The following LHX6 variants were observed in gnomAD, a reference collection of about 807,000 sequenced individuals.
LHX6 encodes the protein LIM/homeobox protein Lhx6.
Under a neutral mutation model 47.1 loss-of-function variants are expected in LHX6, and 15 were observed. That is an observed-to-expected ratio of 0.32 (90% CI 0.21 to 0.49). The LOEUF (loss-of-function observed/expected upper bound fraction) is 0.49. LHX6 is among the 20% of genes least tolerant of loss of function. The probability of loss-of-function intolerance (pLI) is 0.99; values close to 1 mark genes in which losing one functional copy is unlikely to be tolerated. For synonymous variants in LHX6, 242 were observed against 233.5 expected (o/e 1.04, Z -0.33); for missense variants, 404 against 539.6 (o/e 0.75, Z 2.49).
rs758628340 is a variant in LHX6, at chr9:122,214,248, C to T, written c.783+35G>A. 9.8e-6 allele frequency: 15 copies of T among 1,528,966 alleles called. No individual in the cohort carries two copies. The highest frequency in any genetic ancestry group is 1.2e-5 in the Non-Finnish European group (14 of 1,142,008). 94.7% of individuals were successfully genotyped at this position (1,528,966 alleles called of 1,614,324 possible). ...TCGGCCCCGCCCACTTTCGGCCCGG[C>T]CCCCGCCCCCGCCGCCCACTGCTTG... On this transcript the variant is annotated intron_variant, in intron 6 of 9. Coordinates refer to ENST00000394319, the MANE Select transcript of LHX6 (RefSeq NM_014368.5). This position sits in a 1 kb window ranked among gnomAD's most constrained non-coding sequence, Gnocchi z 4.6.
At position 122,209,638 on chromosome 9, in the gene LHX6, C is replaced by T; in HGVS notation, c.1134G>A (p.Gly378=). The T allele has an allele frequency of 6.3e-7, 1 of 1,583,262 alleles. No individual in the cohort carries two copies. Among genetic ancestry groups the T allele is most frequent in the Non-Finnish European group, 8.7e-7 (1 of 1,151,808 alleles). The change falls in exon 9 of 10, where the codon GGG becomes GGA. Residue 378 remains glycine (G), a synonymous_variant. Coordinates refer to ENST00000394319, the MANE Select transcript of LHX6 (RefSeq NM_014368.5). ...CCTTCTCACCCCGGTTGGAGAGCGGCCCATCCATATCGGCTTTGAGGTGGA... is the reference window on the plus strand; with the variant it reads ...CCTTCTCACCCCGGTTGGAGAGCGGTCCATCCATATCGGCTTTGAGGTGGA... ...PPVHLKADMD[G]PLSNRGEKVI... is the part of the protein sequence containing the mutation.
intron 4 of LHX6, among the ~76,000 whole-genome samples, chr9:122,220,350 T>A (rs1206532492): frequency 6.6e-6 from 1 of 152,086 alleles, no homozygotes; most frequent in African/African-American, 2.4e-5. Flanking sequence ...ATCCTTGAGG[T>A]GGGGTTAGGG....
At chr9:122,225,089 G>A (rs1831036751) in intron 4 of LHX6, among the ~76,000 whole-genome samples, 1 of 152,154 alleles carries the variant, frequency 6.6e-6, no homozygotes. Flanking sequence ...TTTCCAGATC[G>A]CTGGAGGCTC....
intron 4 of LHX6, among the ~76,000 whole-genome samples, chr9:122,219,356 C>A (rs1383920703): frequency 6.6e-6 from 1 of 152,220 alleles, no homozygotes; most frequent in Non-Finnish European, 1.5e-5. Flanking sequence ...CAGGCGGTTC[C>A]GGACCTCGGA....
intron 9 of LHX6, among the ~76,000 whole-genome samples, chr9:122,206,121 G>A (rs1347107195): frequency 6.6e-6 from 1 of 152,162 alleles, no homozygotes; most frequent in Non-Finnish European, 1.5e-5. Flanking sequence ...TCCAAGTGTT[G>A]GATTTGTGGG....
At chr9:122,218,947 C>A (rs941276790) in intron 4 of LHX6, among the ~76,000 whole-genome samples, 1 of 152,180 alleles carries the variant, frequency 6.6e-6, no homozygotes, top group Non-Finnish European at 1.5e-5. Flanking sequence ...TGTTTCGTTT[C>A]TGGCTCTTCT....
chr9:122,227,724 A>G, intron 1 of LHX6: 1 of 749,048 alleles, frequency 1.3e-6, no homozygotes, highest in Non-Finnish European at 1.9e-6. Context: ...GTGGCTCTTG[A>G]AGTAATCGCT....
rs1289452598 is a variant in LHX6 at position 122,221,741 on chromosome 9, A to C, written c.462-4453T>G. ...AAGATCACCCAGGGAGCCACACATC[A>C]GAAAACACAGCGGGCGTGCCAACCA... is the stretch of plus-strand genomic sequence containing the variant. On this transcript the variant is annotated intron_variant, in intron 4 of 9. Coordinates refer to ENST00000394319, the MANE Select transcript of LHX6 (RefSeq NM_014368.5). The C allele has an allele frequency of 4.1e-6, 4 of 985,432 alleles. No individual in the cohort carries two copies. The Admixed American group carries it at 2.5e-4, about 61-fold the overall frequency. The allele number at this position is 985,432 out of a possible 1,614,324, so 61.0% of individuals were successfully genotyped here.
intron 1 of LHX6, chr9:122,227,856 C>T (rs1056286019): frequency 2.9e-6 from 1 of 344,434 alleles, no homozygotes; most frequent in African/African-American, 2.2e-5. Flanking sequence ...AGTGTCAATT[C>T]CAACTGTCAA....
chr9:122,213,576 C>A lies in LHX6; in HGVS notation c.1054+30G>T. ...TCCTCCGCGCCCCCTCCCCGCAGGC[C>A]CAGCGGCTCCCGGCGCTGCGGTTAC... On this transcript the variant is annotated intron_variant, in intron 8 of 9. Transcript: ENST00000394319. This position sits in a 1 kb window ranked among gnomAD's most constrained non-coding sequence, Gnocchi z 5.5. 1 of 1,527,400 alleles carries A rather than the reference C, an allele frequency of 6.5e-7. No individual in the cohort carries two copies. Among genetic ancestry groups the A allele is most frequent in the South Asian group, 1.3e-5 (1 of 79,026 alleles). The allele number at this position is 1,527,400 out of a possible 1,614,324, so 94.6% of individuals were successfully genotyped here. A position where few individuals can be genotyped will look rare whatever the true frequency, so the allele number is the denominator to read the frequency against.
chr9:122,207,892 C>G (rs1830245688), intron 9 of LHX6, among the ~76,000 whole-genome samples: 1 of 152,164 alleles, frequency 6.6e-6, no homozygotes, highest in Non-Finnish European at 1.5e-5. Flanking sequence ...TTAGGAATCT[C>G]TGTATATTTA....
At chr9:122,227,291 C>T in intron 2 of LHX6, 118 bp downstream of exon 2, 1 of 1,094,240 alleles carries the variant, frequency 9.1e-7, no homozygotes, top group South Asian at 1.8e-5. Context: ...AGAGGGGCGG[C>T]GCCCGCCGGG....
rs1159859487 is a variant in LHX6, at chr9:122,213,247, C to T, written c.1054+359G>A. ...AGGAATCATCCCACTTAAAACGACA[C>T]ACTCATCTGCCTATTTTTCCATGCC... On this transcript the variant is annotated intron_variant, in intron 8 of 9. Coordinates refer to ENST00000394319, the MANE Select transcript of LHX6 (RefSeq NM_014368.5). The surrounding 1 kb of genome is among the most constrained non-coding windows in gnomAD (Gnocchi z 5.5). 6.6e-6 allele frequency among the ~76,000 whole-genome samples: 1 copy of T among 152,144 alleles called. No homozygotes were observed. The highest frequency in any genetic ancestry group is 1.9e-4 in the East Asian group (1 of 5,194).
At chr9:122,219,065 G>A (rs1830714309) in intron 4 of LHX6, among the ~76,000 whole-genome samples, 1 of 152,222 alleles carries the variant, frequency 6.6e-6, no homozygotes, top group Admixed American at 6.5e-5. Context: ...ACCCGGGGGA[G>A]CATTCGGAAT....
In LHX6 at chr9:122,217,608, A is replaced by C. The variant is rs185578357; in HGVS notation, c.462-320T>G. Among the ~76,000 whole-genome samples, 1 of 152,270 alleles carries C rather than the reference A, an allele frequency of 6.6e-6. No individual in the cohort carries two copies. The highest frequency in any genetic ancestry group is 2.4e-5 in the African/African-American group (1 of 41,478). On this transcript the variant is annotated intron_variant, in intron 4 of 9. Transcript: ENST00000394319. The surrounding 1 kb of genome is among the most constrained non-coding windows in gnomAD (Gnocchi z 4.9). ...AACACAATAATAGTAATAATAAGCA[A>C]GTTGTTGAGCACTTACCACTTGCCC...
chr9:122,224,000 A>G (rs183180895), intron 4 of LHX6, among the ~76,000 whole-genome samples: 1 of 152,150 alleles, frequency 6.6e-6, no homozygotes, highest in Non-Finnish European at 1.5e-5. Context: ...GGAGCCCCCA[A>G]GCATCATCTG....
At chr9:122,215,408 A>C (rs1375221091) in intron 5 of LHX6, among the ~76,000 whole-genome samples, 1 of 152,198 alleles carries the variant, frequency 6.6e-6, no homozygotes, top group Non-Finnish European at 1.5e-5. Context: ...AAAAAGTGAA[A>C]CAGTAGCCAA....
Position 122,214,500 on chromosome 9 carries a change from A to T in LHX6, c.683-117T>A, listed in dbSNP as rs1588344965. ...GGGTCAGGAGCGGGAGTTGGCTGGG[A>T]GCAGGGATCCCAGGGTCCTAGTCCC... is the stretch of plus-strand genomic sequence containing the variant. On this transcript the variant is annotated intron_variant, in intron 5 of 9. Coordinates refer to ENST00000394319, the MANE Select transcript of LHX6 (RefSeq NM_014368.5). This position sits in a 1 kb window ranked among gnomAD's most constrained non-coding sequence, Gnocchi z 4.6. 3 of 1,363,682 alleles carry T rather than the reference A, an allele frequency of 2.2e-6. No homozygotes were observed. Among genetic ancestry groups the T allele is most frequent in the African/African-American group, 3.1e-5 (2 of 64,804 alleles). The allele number at this position is 1,363,682 out of a possible 1,614,324, so 84.5% of individuals were successfully genotyped here.
intron 9 of LHX6, among the ~76,000 whole-genome samples, chr9:122,205,433 T>G (rs558949838): frequency 6.6e-6 from 1 of 152,334 alleles, no homozygotes; most frequent in South Asian, 2.1e-4. Context: ...GGACTGTCTG[T>G]CCCTTTCCCC....
Sources: allele counts gnomAD v4.1 joint callset (sites outside exome capture counted in the v4.1 genomes callset), GRCh38; gene constraint gnomAD v4.1.1; non-coding constraint Gnocchi (gnomAD v3.1); transcripts MANE v1.5; gene names NCBI Gene and HGNC (gene_info 2026-07-23, HGNC 2026-07-21).